INSC: variants seen among roughly 807,000 people sequenced by gnomAD.
INSC encodes the protein protein inscuteable homolog.
In INSC, 67 loss-of-function variants were observed where a neutral mutation model predicts 58.6. That is an observed-to-expected ratio of 1.14 (90% CI 0.94 to 1.40). The LOEUF (loss-of-function observed/expected upper bound fraction) is 1.40, where lower values mean the gene tolerates loss of function less well. Among genes scored for constraint, INSC ranks in the 40% most tolerant of loss-of-function variants. The pLI is 0.00. For synonymous variants in INSC, 262 were observed against 276.1 expected, an observed-to-expected ratio of 0.95 and a Z score of 0.51; for missense variants, 714 against 692.0, an observed-to-expected ratio of 1.03 and a Z score of -0.36.
At chr11:15,258,524 A>C in the INSC span, among the ~76,000 whole-genome samples, 1 of 152,186 alleles carries the variant, frequency 6.6e-6, no homozygotes, top group Admixed American at 6.5e-5. Flanking sequence ...TTCATAGAAA[A>C]GACTGTCTCT....
intron 7 of INSC, among the ~76,000 whole-genome samples, chr11:15,208,098 C>T (rs1226951722): frequency 6.6e-6 from 1 of 152,184 alleles, no homozygotes; most frequent in Non-Finnish European, 1.5e-5. Context: ...GACAGAGGGG[C>T]TGTGAATGCA....
chr11:15,223,346 T>C (rs996952522), intron 8 of INSC, among the ~76,000 whole-genome samples: 3 of 152,258 alleles, frequency 2.0e-5, no homozygotes, highest in Admixed American at 6.5e-5. Flanking sequence ...CCTATTTGTT[T>C]CATCCTGATG....
intron 9 of INSC, 99 bp downstream of exon 9, chr11:15,225,927 G>A: frequency 8.2e-7 from 1 of 1,221,946 alleles, no homozygotes. Context: ...GAGAGCATGG[G>A]AGTCCTGTTA....
intron 1 of INSC, among the ~76,000 whole-genome samples, chr11:15,122,752 A>T (rs1847903170): frequency 6.6e-6 from 1 of 152,072 alleles, no homozygotes; most frequent in African/African-American, 2.4e-5. Flanking sequence ...TCATGGTACC[A>T]TCTTCACATT....
At chr11:15,239,744 G>A (rs562512401) in intron 11 of INSC, among the ~76,000 whole-genome samples, 6 of 152,356 alleles carry the variant, frequency 3.9e-5, no homozygotes, top group Admixed American at 6.5e-5. Context: ...TGCACAAGAA[G>A]TAGCTCATGT....
intron 9 of INSC, among the ~76,000 whole-genome samples, chr11:15,229,958 ATTTATAT>A (rs1851796064): frequency 3.1e-5 from 1 of 32,220 alleles, no homozygotes; most frequent in South Asian, 1.0e-3. Context: ...TTATATATAT[ATTTATAT>A]ATATATATAT....
At chr11:15,241,439 G>T (rs1415010469) in intron 12 of INSC, 3 of 552,690 alleles carry the variant, frequency 5.4e-6, no homozygotes, top group Non-Finnish European at 6.4e-6. Flanking sequence ...GTGGGGCATT[G>T]CAGTCAATCA....
intron 1 of INSC, among the ~76,000 whole-genome samples, chr11:15,136,299 G>A (rs909650104): frequency 3.3e-5 from 5 of 152,174 alleles, no homozygotes; most frequent in African/African-American, 1.2e-4. Flanking sequence ...GCTTCAGCAA[G>A]TCATAATCTT....
rs79607178 is a variant in INSC, at chr11:15,151,911, C to G, written c.56+2681C>G. The stretch of plus-strand genomic sequence containing the variant: ...ATCATCTATGGCATTTAGAATTTTT[C>G]TCTCCGAATCCCTGCCAGTGAAGAG... On this transcript the variant is annotated intron_variant, in intron 2 of 12. Transcript: ENST00000379556. 8.6e-3 allele frequency among the ~76,000 whole-genome samples: 1,305 copies of G among 152,254 alleles called. 15 individuals carry two copies. The highest frequency in any genetic ancestry group is 0.03 in the African/African-American group (1,252 of 41,534).
intron 2 of INSC, among the ~76,000 whole-genome samples, chr11:15,168,785 G>A (rs906432825): frequency 6.6e-6 from 1 of 152,122 alleles, no homozygotes; most frequent in African/African-American, 2.4e-5. Context: ...TGACTAGAAG[G>A]GGCTCAAGGG....
At chr11:15,123,981 G>C (rs943176896) in intron 1 of INSC, among the ~76,000 whole-genome samples, 1 of 152,146 alleles carries the variant, frequency 6.6e-6, no homozygotes, top group Non-Finnish European at 1.5e-5. Flanking sequence ...TCCTTTCAAA[G>C]ATGTCATCAG....
At chr11:15,145,320 G>T (rs905497507) in intron 1 of INSC, among the ~76,000 whole-genome samples, 3 of 152,178 alleles carry the variant, frequency 2.0e-5, no homozygotes, top group African/African-American at 4.8e-5. Context: ...ACAAGTCAGG[G>T]TTTGAATTTA....
chr11:15,254,029 C>G, the INSC span, among the ~76,000 whole-genome samples: 1 of 152,164 alleles, frequency 6.6e-6, no homozygotes, highest in Non-Finnish European at 1.5e-5. Context: ...AAGTATGGAG[C>G]TAATGCTGAT....
intron 1 of INSC, among the ~76,000 whole-genome samples, chr11:15,125,146 G>A (rs2133693602): frequency 6.6e-6 from 1 of 152,312 alleles, no homozygotes; most frequent in South Asian, 2.1e-4. Context: ...TGATAAGCAG[G>A]CATTTAAGCA....
intron 9 of INSC, among the ~76,000 whole-genome samples, chr11:15,227,836 T>C (rs1336233971): frequency 1.3e-5 from 2 of 152,158 alleles, no homozygotes; most frequent in African/African-American, 4.8e-5. Context: ...TGACATAATT[T>C]TAGGTTCTTT....
At chr11:15,113,147 G>T (rs60789395), upstream of INSC, among the ~76,000 whole-genome samples, 5,787 of 110,904 alleles carry the variant, frequency 0.052, 322 homozygotes, top group African/African-American at 0.097. Context: ...CTTTCTTTCT[G>T]TCTCTCTCTC....
At chr11:15,172,111 A>C (rs1849421082) in intron 2 of INSC, among the ~76,000 whole-genome samples, 1 of 152,184 alleles carries the variant, frequency 6.6e-6, no homozygotes, top group African/African-American at 2.4e-5. Flanking sequence ...AAGAGACAGA[A>C]AAAGATGCTG....
intron 7 of INSC, among the ~76,000 whole-genome samples, chr11:15,209,575 A>G (rs1458437642): frequency 6.6e-6 from 1 of 151,926 alleles, no homozygotes; most frequent in Non-Finnish European, 1.5e-5. Flanking sequence ...ACACTGCCTG[A>G]CCTCAAACCT....
intron 1 of INSC, among the ~76,000 whole-genome samples, chr11:15,118,273 G>A (rs949469159): frequency 6.6e-6 from 1 of 152,142 alleles, no homozygotes; most frequent in Non-Finnish European, 1.5e-5. Context: ...ATCTGCAGAG[G>A]TGCACCTCAT....
Sources: gnomAD v4.1 joint callset for allele counts (sites outside exome capture counted in the v4.1 genomes callset) on GRCh38, gnomAD v4.1.1 for gene constraint, MANE v1.5 for transcripts, NCBI Gene and HGNC (gene_info 2026-07-23, HGNC 2026-07-21) for gene names.